The following ANKDD1A variants were observed in gnomAD, a reference collection of about 807,000 sequenced individuals.
The protein encoded by ANKDD1A is ankyrin repeat and death domain-containing protein 1A.
Under a neutral mutation model 63.5 loss-of-function variants are expected in ANKDD1A, and 59 were observed. That is an observed-to-expected ratio of 0.93 (90% confidence interval 0.75 to 1.15). The LOEUF (loss-of-function observed/expected upper bound fraction) is 1.15. Ranked by LOEUF, ANKDD1A falls within the 50% of genes most tolerant of loss-of-function variation. The probability of loss-of-function intolerance (pLI) is 0.00; values close to 1 mark genes in which losing one functional copy is unlikely to be tolerated. For missense variants in ANKDD1A, 632 were observed against 656.4 expected (o/e 0.96, Z 0.41); for synonymous variants, 266 against 263.9 (o/e 1.01, Z -0.08).
At chr15:64,939,783 C>A (rs1406122264) in intron 9 of ANKDD1A, among the ~76,000 whole-genome samples, 1 of 152,176 alleles carries the variant, frequency 6.6e-6, no homozygotes, top group African/African-American at 2.4e-5. Context: ...ACTGAAGCAA[C>A]TGTACATCCA....
At position 64,957,460 on chromosome 15, in the gene ANKDD1A, T is replaced by C. The variant is rs900129789; in HGVS notation, c.*272T>C. ...AAAATTATTTTCAGTTTTCCAAAAT[T>C]CTATCTTTAAACCTAAATAATTCAA... On this transcript the variant is annotated 3_prime_UTR_variant, in exon 15 of 15. Coordinates refer to ENST00000319580, the MANE Select transcript of ANKDD1A (RefSeq NM_182703.6). 9.9e-4 allele frequency: 118 copies of C among 119,564 alleles called. No homozygotes were observed. Among genetic ancestry groups the C allele is most frequent in the Non-Finnish European group, 7.8e-4 (41 of 52,482 alleles). The allele number at this position is 119,564 out of a possible 1,614,324, so 7.4% of individuals were successfully genotyped here.
chr15:64,931,353 C>T (rs533834168), intron 7 of ANKDD1A, 134 bp from the exon 8 acceptor site: 1 of 745,226 alleles, frequency 1.3e-6, no homozygotes, highest in Non-Finnish European at 2.2e-6. Flanking sequence ...GTTCATTGTT[C>T]CCAGGGGCAG....
intron 14 of ANKDD1A, among the ~76,000 whole-genome samples, chr15:64,954,703 C>CCTT (rs535622182): frequency 7.2e-6 from 1 of 138,760 alleles, no homozygotes; most frequent in Admixed American, 7.3e-5. Flanking sequence ...TTGTTCTTCT[C>CCTT]CTTCTTCTTC....
At chr15:64,936,596 T>G (rs1320078614) in intron 9 of ANKDD1A, among the ~76,000 whole-genome samples, 1 of 152,270 alleles carries the variant, frequency 6.6e-6, no homozygotes, top group East Asian at 1.9e-4. Context: ...CCCAACACTT[T>G]GGAAGGCTGA....
At chr15:64,930,630 T>C (rs745697381) in intron 6 of ANKDD1A, among the ~76,000 whole-genome samples, 192 bp from the exon 7 acceptor site, 3 of 152,208 alleles carry the variant, frequency 2.0e-5, no homozygotes, top group African/African-American at 4.8e-5. Flanking sequence ...TTTTAAGCAA[T>C]GTGCCTGCCT....
intron 14 of ANKDD1A, among the ~76,000 whole-genome samples, chr15:64,954,381 T>TC (rs1227707114): frequency 1.3e-4 from 1 of 7,960 alleles, no homozygotes; most frequent in East Asian, 8.5e-3. Context: ...TTCCTTTTCT[T>TC]TTCTTCTTCT....
chr15:64,953,691 CCTT>C (rs202130408), intron 14 of ANKDD1A, among the ~76,000 whole-genome samples: 2,251 of 69,874 alleles, frequency 0.032, 67 homozygotes, highest in South Asian at 0.05. Flanking sequence ...TCTCCTTCTC[CCTT>C]CTTCTTTCTT....
chr15:64,953,375 TTTCCTTTC>T (rs2085338291), intron 14 of ANKDD1A, among the ~76,000 whole-genome samples: 2 of 85,922 alleles, frequency 2.3e-5, no homozygotes, highest in Non-Finnish European at 5.5e-5. Context: ...TTCTCCTTCT[TTTCCTTTC>T]TTCTTCTTAG....
intron 14 of ANKDD1A, among the ~76,000 whole-genome samples, chr15:64,952,514 T>TTTG (rs2085310419): frequency 1.7e-4 from 1 of 5,908 alleles, no homozygotes; most frequent in Non-Finnish European, 6.8e-4. Context: ...TTCTTCTTAC[T>TTTG]TTCTTCTTCC....
intron 10 of ANKDD1A, chr15:64,943,139 G>C (rs899864649): frequency 7.2e-5 from 19 of 262,958 alleles, no homozygotes; most frequent in African/African-American, 4.0e-4. Flanking sequence ...ATTTACTGCA[G>C]TATTATTTAT....
At chr15:64,955,036 C>CT (rs77022607) in intron 14 of ANKDD1A, among the ~76,000 whole-genome samples, 19,053 of 60,800 alleles carry the variant, frequency 0.31, 1,318 homozygotes, top group East Asian at 0.41. Flanking sequence ...TCCTCTTCTT[C>CT]TTCTTTCTTT....
intron 14 of ANKDD1A, among the ~76,000 whole-genome samples, chr15:64,954,025 T>TTTCC (rs2085370575): frequency 7.7e-6 from 1 of 129,998 alleles, no homozygotes; most frequent in Non-Finnish European, 1.6e-5. Context: ...TTTCCTCTTC[T>TTTCC]TTTCTTTCTT....
At chr15:64,954,538 CTCCTT>C (rs2085389794) in intron 14 of ANKDD1A, among the ~76,000 whole-genome samples, 8 of 19,512 alleles carry the variant, frequency 4.1e-4, no homozygotes, top group Non-Finnish European at 9.7e-4. Flanking sequence ...CTTCCTCCTT[CTCCTT>C]CTTCTTTTCT....
chr15:64,920,799 T>C (rs2085002279), intron 3 of ANKDD1A, among the ~76,000 whole-genome samples: 1 of 148,918 alleles, frequency 6.7e-6, no homozygotes, highest in Non-Finnish European at 1.5e-5. Flanking sequence ...CCTCCCACCT[T>C]GGTCCCTCCC....
intron 4 of ANKDD1A, among the ~76,000 whole-genome samples, chr15:64,923,881 T>A (rs955037816): frequency 6.6e-6 from 1 of 152,196 alleles, no homozygotes; most frequent in Admixed American, 6.5e-5. Context: ...TGTTCTAGAA[T>A]GAGGGAGGCG....
Position 64,926,945 on chromosome 15 carries a change from G to A in ANKDD1A, c.516G>A (p.Leu172=), listed in dbSNP as rs745913897. The A allele has an allele frequency of 1.9e-6, 3 of 1,614,180 alleles. No individual in the cohort carries two copies. In the South Asian group the frequency reaches 3.3e-5, roughly 18 times the overall value. Residue 172 remains leucine, a synonymous_variant, in exon 6 of 15, where the codon CTG becomes CTA. Transcript: ENST00000319580. ...ACAGGGCAGCTGAGCACGGGCAGCT[G>A]GATGCTCTGGACTTCCTCGTGGGCT... ...AFHRAAEHGQ[L]DALDFLVGSG...
At chr15:64,940,256 G>A (rs772092682) in intron 9 of ANKDD1A, among the ~76,000 whole-genome samples, 1 of 152,026 alleles carries the variant, frequency 6.6e-6, no homozygotes, top group Non-Finnish European at 1.5e-5. Context: ...TTAGGGAAGT[G>A]TAAGTTAACA....
In ANKDD1A at chr15:64,949,263, A is replaced by G. The variant is rs189237747; in HGVS notation, c.1352-578A>G. 3.2e-4 allele frequency among the ~76,000 whole-genome samples: 49 copies of G among 152,328 alleles called. 1 individual carries two copies. The highest frequency in any genetic ancestry group is 6.8e-3 in the Middle Eastern group (2 of 294). On this transcript the variant is annotated intron_variant, in intron 13 of 14. Coordinates refer to ENST00000319580, the MANE Select transcript of ANKDD1A (RefSeq NM_182703.6). ...GTTGTATGTTGGAACCACCTGGGAA[A>G]TTTTGAAACCGTTAAATGCCTAGGC...
At chr15:64,930,000 A>C (rs987311614) in intron 6 of ANKDD1A, among the ~76,000 whole-genome samples, 1 of 152,176 alleles carries the variant, frequency 6.6e-6, no homozygotes, top group Non-Finnish European at 1.5e-5. Context: ...AGGAACAGAA[A>C]ACCAAACACT....
Sources: allele counts gnomAD v4.1 joint callset (sites outside exome capture counted in the v4.1 genomes callset), GRCh38; gene constraint gnomAD v4.1.1; transcripts MANE v1.5; gene names NCBI Gene and HGNC (gene_info 2026-07-23, HGNC 2026-07-21).